The following TBX1 variants were observed in gnomAD, a reference collection of about 807,000 sequenced individuals.
TBX1 encodes T-box transcription factor TBX1.
TBX1 carries 16 observed loss-of-function variants against 40.8 expected under a neutral mutation model. The observed-to-expected ratio is 0.39, with a 90% CI of 0.27 to 0.60. The LOEUF is 0.60. TBX1 is among the 20% of genes least tolerant of loss of function. The pLI is 0.51. For synonymous variants in TBX1, 403 were observed against 336.8 expected, an observed-to-expected ratio of 1.20 and a Z score of -2.15; for missense variants, 755 against 728.5, an observed-to-expected ratio of 1.04 and a Z score of -0.42.
intron 3 of TBX1, 26 bp downstream of exon 3, chr22:19,764,352 G>A (rs527756755): frequency 3.7e-5 from 60 of 1,605,568 alleles, no homozygotes; most frequent in South Asian, 3.3e-4. Context: ...CCCAGGCTCC[G>A]GTGTCCCCCA....
rs1047538218 is a variant in TBX1 at position 19,767,106 on chromosome 22, A to G, written c.*239A>G. On this transcript the variant is annotated 3_prime_UTR_variant, in exon 7 of 7. Transcript: ENST00000649276. ...CACCGCGGGTCCTTCCCCGGCCCCG[A>G]GGGCCAAGGGGGTCCCCGCCCGCCA... 1.3e-5 allele frequency: 16 copies of G among 1,248,260 alleles called. No homozygotes were observed. Among genetic ancestry groups the G allele is most frequent in the Non-Finnish European group, 1.6e-5 (16 of 997,898 alleles). 77.3% of individuals were successfully genotyped at this position (1,248,260 alleles called of 1,614,324 possible).
rs1936811503 is a variant in TBX1 at position 19,765,747 on chromosome 22, C to T, written c.868-11C>T. ...GGCTCCAGCGGCTTGCTCACACCCA[C>T]CTCCCTGCAGATCACGCAGCTCAAG... is the stretch of plus-strand genomic sequence containing the variant. On this transcript the variant is annotated splice_polypyrimidine_tract_variant and intron_variant, in intron 4 of 6. Transcript: ENST00000649276. The T allele has an allele frequency of 2.5e-6, 4 of 1,611,186 alleles. No homozygotes were observed. Among genetic ancestry groups the T allele is most frequent in the Non-Finnish European group, 3.4e-6 (4 of 1,179,184 alleles).
At chr22:19,757,523 A>G (rs1486378433), upstream of TBX1, among the ~76,000 whole-genome samples, 1 of 152,162 alleles carries the variant, frequency 6.6e-6, no homozygotes, top group Admixed American at 6.5e-5. Context: ...ACAGGACACA[A>G]GCTTGGGCAT....
chr22:19,766,920 G>A lies in TBX1; in HGVS notation c.*53G>A. The stretch of plus-strand genomic sequence containing the variant: ...GTCCTGCACAGCCCCGAAGTTCGCC[G>A]GGCCCGGCCACCCTGCCCCAAGGGC... On this transcript the variant is annotated 3_prime_UTR_variant, in exon 7 of 7. Coordinates refer to ENST00000649276, the MANE Select transcript of TBX1 (RefSeq NM_001379200.1). The A allele has an allele frequency of 6.4e-7, 1 of 1,563,104 alleles. No individual in the cohort carries two copies.
intron 8 of TBX1, among the ~76,000 whole-genome samples, chr22:19,777,739 G>C (rs1457034553): frequency 2.0e-5 from 3 of 151,564 alleles, no homozygotes; most frequent in Non-Finnish European, 4.4e-5. Context: ...CACAGGTTCA[G>C]GGTGTGTTGT....
rs41298820 is a variant in TBX1, at chr22:19,763,578, C to A, written c.539+236C>A. 3,628 of 568,408 alleles carry A rather than the reference C, an allele frequency of 6.4e-3. 90 individuals are homozygous for A. The highest frequency in any genetic ancestry group is 0.058 in the African/African-American group (3,103 of 53,322). The allele number at this position is 568,408 out of a possible 1,614,324, so 35.2% of individuals were successfully genotyped here. On this transcript the variant is annotated intron_variant, in intron 2 of 6. Transcript: ENST00000649276. ...CCGCAGGCTGCAGACAGCTCTTGCT[C>A]CCCTGGGCTGGTGTGGCCCTAGGGT...
chr22:19,773,394 G>A (rs1271287894), intron 8 of TBX1, among the ~76,000 whole-genome samples: 1 of 152,168 alleles, frequency 6.6e-6, no homozygotes, highest in Non-Finnish European at 1.5e-5. Context: ...CCATCACCCT[G>A]TGTGGTGGGT....
chr22:19,764,910 C>T (rs759994565), intron 3 of TBX1, 48 bp from the exon 4 acceptor site: 1 of 1,611,946 alleles, frequency 6.2e-7, no homozygotes, highest in African/African-American at 1.3e-5. Context: ...ACCCCAGATC[C>T]TCAGCCCAGC....
intron 8 of TBX1, among the ~76,000 whole-genome samples, chr22:19,777,934 G>T (rs1335468099): frequency 6.6e-6 from 1 of 151,558 alleles, no homozygotes; most frequent in Non-Finnish European, 1.5e-5. Flanking sequence ...TAATTTTTAA[G>T]TTTTTTGTGG....
At chr22:19,758,613 G>C (rs1035932024), upstream of TBX1, among the ~76,000 whole-genome samples, 1 of 152,194 alleles carries the variant, frequency 6.6e-6, no homozygotes, top group African/African-American at 2.4e-5. Flanking sequence ...CCAGTGGCCT[G>C]AAGTTCTCCA....
At chr22:19,776,353 T>G (rs1411550306) in intron 8 of TBX1, among the ~76,000 whole-genome samples, 2 of 152,144 alleles carry the variant, frequency 1.3e-5, no homozygotes, top group Admixed American at 6.5e-5. Context: ...CCTCCCTCAC[T>G]GGGGGTGGGA....
upstream of TBX1, among the ~76,000 whole-genome samples, chr22:19,757,095 G>A (rs1233874830): frequency 1.3e-5 from 2 of 152,208 alleles, no homozygotes; most frequent in African/African-American, 4.8e-5. Flanking sequence ...GGGTCCCAGC[G>A]TTGAGCAACG....
At chr22:19,780,410 C>T (rs1393577308), downstream of TBX1, among the ~76,000 whole-genome samples, 1 of 152,198 alleles carries the variant, frequency 6.6e-6, no homozygotes, top group East Asian at 1.9e-4. Flanking sequence ...AGTGTAAGGA[C>T]CTCAAGGTTC....
chr22:19,766,950 A>G lies in TBX1; in HGVS notation c.*83A>G, dbSNP rs1027757586. 1 of 1,534,488 alleles carries G rather than the reference A, an allele frequency of 6.5e-7. No homozygotes were observed. Among genetic ancestry groups the G allele is most frequent in the Non-Finnish European group, 8.7e-7 (1 of 1,150,138 alleles). The stretch of plus-strand genomic sequence containing the variant: ...CGGCCACCCTGCCCCAAGGGCAAGC[A>G]AGGAATACGTTCCCCCAGCCCCAGG... On this transcript the variant is annotated 3_prime_UTR_variant, in exon 7 of 7. Transcript: ENST00000649276.
downstream of TBX1, among the ~76,000 whole-genome samples, chr22:19,781,077 C>T (rs1243835805): frequency 2.0e-5 from 3 of 152,236 alleles, no homozygotes; most frequent in Non-Finnish European, 4.4e-5. Flanking sequence ...CCACTGCACC[C>T]GGCCCTGTTT....
At chr22:19,764,919 G>T (rs376968758) in intron 3 of TBX1, 39 bp from the exon 4 acceptor site, 2 of 1,612,948 alleles carry the variant, frequency 1.2e-6, no homozygotes, top group African/African-American at 1.3e-5. Context: ...CCTCAGCCCA[G>T]CCCCACCGCT....
rs1288296547 is a variant in TBX1, at chr22:19,766,504, G to GGCCGGCGGC, written c.1162_1170dup (p.Ala388_Gly390dup). The GGCCGGCGGC allele has an allele frequency of 2.2e-4, 283 of 1,307,392 alleles. 2 individuals are homozygous for GGCCGGCGGC. The African/African-American group carries it at 3.3e-3, about 15-fold the overall frequency. The allele number at this position is 1,307,392 out of a possible 1,614,324, so 81.0% of individuals were successfully genotyped here. A position where few individuals can be genotyped will look rare whatever the true frequency, so the allele number is the denominator to read the frequency against. On this transcript the variant is annotated inframe_insertion, in exon 7 of 7. Coordinates refer to ENST00000649276, the MANE Select transcript of TBX1 (RefSeq NM_001379200.1). ...GGGTGCTAAGCCCCTCGCTGCCCGG[G>GGCCGGCGGC]GCCGGCGGCGCCGGCGGCTTAGTCC...
In TBX1 at chr22:19,767,270, A is replaced by T. The variant is rs749619227; in HGVS notation, c.*403A>T. 1.3e-5 allele frequency: 13 copies of T among 1,001,592 alleles called. No homozygotes were observed. Among genetic ancestry groups the T allele is most frequent in the Non-Finnish European group, 1.4e-5 (12 of 840,898 alleles). The allele number at this position is 1,001,592 out of a possible 1,614,324, so 62.0% of individuals were successfully genotyped here. ...CTGCAGGCGGTGTAGATACATGTAG[A>T]TACTGTAGATACTGTAGATACCGCC... On this transcript the variant is annotated 3_prime_UTR_variant, in exon 7 of 7. Transcript: ENST00000649276.
chr22:19,758,959 G>A (rs1340977624), upstream of TBX1, among the ~76,000 whole-genome samples: 2 of 152,228 alleles, frequency 1.3e-5, no homozygotes, highest in South Asian at 4.1e-4. Flanking sequence ...TGGCCGGTGC[G>A]AGAGCCCAAG....
Sources: gnomAD v4.1 joint callset for allele counts (sites outside exome capture counted in the v4.1 genomes callset) on GRCh38, gnomAD v4.1.1 for gene constraint, MANE v1.5 for transcripts, NCBI Gene and HGNC (gene_info 2026-07-23, HGNC 2026-07-21) for gene names.